The following ERG28 variants were observed in gnomAD, a reference collection of about 807,000 sequenced individuals.
ERG28 encodes ergosterol biosynthesis 28 homolog, also known as ergosterol biosynthetic protein 28 homolog.
In ERG28, 9 loss-of-function variants were observed where a neutral mutation model predicts 15.7. The ratio of observed to expected loss-of-function variants is 0.57; its 90% CI spans 0.35 to 1.00. The LOEUF is 1.00. Ranked by LOEUF, ERG28 falls within the 50% of genes least tolerant of loss-of-function variation. The pLI is 0.02. For synonymous variants in ERG28, 61 were observed against 68.4 expected, an observed-to-expected ratio of 0.89 and a Z score of 0.53; for missense variants, 117 against 173.3, an observed-to-expected ratio of 0.68 and a Z score of 1.82.
intron 1 of ERG28, among the ~76,000 whole-genome samples, chr14:75,658,612 G>GC (rs1396575028): frequency 6.6e-6 from 1 of 152,204 alleles, no homozygotes; most frequent in Non-Finnish European, 1.5e-5. Context: ...GACGTATAGA[G>GC]CCTAGGTGTG....
chr14:75,658,218 G>T (rs1256156057), intron 1 of ERG28, among the ~76,000 whole-genome samples: 1 of 152,096 alleles, frequency 6.6e-6, no homozygotes, highest in African/African-American at 2.4e-5. Flanking sequence ...TTAAAATAGA[G>T]ATCATAAGAA....
rs1056088464 is a variant in ERG28 at position 75,651,386 on chromosome 14, T to C, written c.*169A>G. ...TTCTTTAAATTGTACGTACATGTTA[T>C]ATACTTTTCAGTATGCATATCTTTA... is the stretch of plus-strand genomic sequence containing the variant. On this transcript the variant is annotated 3_prime_UTR_variant, in exon 5 of 5. Coordinates refer to ENST00000256319, the MANE Select transcript of ERG28 (RefSeq NM_007176.4). The C allele has an allele frequency of 6.7e-6, 4 of 593,230 alleles. No individual in the cohort carries two copies. Among genetic ancestry groups the C allele is most frequent in the Admixed American group, 5.8e-5 (2 of 34,438 alleles). 36.7% of individuals were successfully genotyped at this position (593,230 alleles called of 1,614,324 possible). A position where few individuals can be genotyped will look rare whatever the true frequency, so the allele number is the denominator to read the frequency against.
chr14:75,660,222 C>T (rs1890666013), intron 1 of ERG28, among the ~76,000 whole-genome samples: 1 of 152,204 alleles, frequency 6.6e-6, no homozygotes, highest in South Asian at 2.1e-4. Context: ...TTCTGAATTG[C>T]TCTGCCAATT....
chr14:75,656,280 A>ACACACG (rs1890595931), intron 2 of ERG28, among the ~76,000 whole-genome samples: 1 of 5,218 alleles, frequency 1.9e-4, no homozygotes, highest in Non-Finnish European at 5.7e-4. Flanking sequence ...TGCTGGCTGA[A>ACACACG]CACACACACA....
intron 1 of ERG28, among the ~76,000 whole-genome samples, chr14:75,658,692 A>G (rs1890629840): frequency 6.6e-6 from 1 of 152,216 alleles, no homozygotes; most frequent in Admixed American, 6.5e-5. Context: ...TGTTTGTTCA[A>G]TATGCATGTG....
intron 2 of ERG28, 58 bp from the exon 3 acceptor site, chr14:75,655,034 AC>A: frequency 6.6e-7 from 1 of 1,506,396 alleles, no homozygotes; most frequent in Non-Finnish European, 9.2e-7. Context: ...TTCCTTCCAA[AC>A]TCCTCCTATT....
rs147269846 is a variant in ERG28, at chr14:75,657,619, CA to C, written c.-31-87del. The C allele has an allele frequency of 3.2e-3, 4,075 of 1,275,450 alleles. 116 individuals carry two copies. In the African/African-American group the frequency reaches 0.054, roughly 17 times the overall value. The allele number at this position is 1,275,450 out of a possible 1,614,324, so 79.0% of individuals were successfully genotyped here. On this transcript the variant is annotated intron_variant, in intron 1 of 4. Transcript: ENST00000256319. ...GGAAGGGAGGAAGAATGAAGCAGGC[CA>C]AAAAAAGAAATTCAGTCACACTAAT...
intron 2 of ERG28, among the ~76,000 whole-genome samples, chr14:75,655,496 C>A (rs1890585538): frequency 6.6e-6 from 1 of 152,172 alleles, no homozygotes; most frequent in Non-Finnish European, 1.5e-5. Flanking sequence ...GTTGGATGAA[C>A]CAATACCAGG....
rs568308854 is a variant in ERG28 at position 75,657,559 on chromosome 14, A to G, written c.-31-26T>C. 2.5e-6 allele frequency: 4 copies of G among 1,603,602 alleles called. No individual in the cohort carries two copies. The African/African-American group carries it at 4.0e-5, about 16-fold the overall frequency. ...CTTGGAAACAAAGGCAGAGGACATGAGACAATGAGGGCCAGTCTATGTTAA... is the reference window on the plus strand; with the variant it reads ...CTTGGAAACAAAGGCAGAGGACATGGGACAATGAGGGCCAGTCTATGTTAA... On this transcript the variant is annotated intron_variant, in intron 1 of 4. Transcript: ENST00000256319.
rs1566801181 is a variant in ERG28 at position 75,649,860 on chromosome 14, C to T, written c.*1695G>A. 1 of 152,184 alleles carries T rather than the reference C, an allele frequency of 6.6e-6. No individual in the cohort carries two copies. Among genetic ancestry groups the T allele is most frequent in the Non-Finnish European group, 1.5e-5 (1 of 68,060 alleles). 9.4% of individuals were successfully genotyped at this position (152,184 alleles called of 1,614,324 possible). A position where few individuals can be genotyped will look rare whatever the true frequency, so the allele number is the denominator to read the frequency against. On this transcript the variant is annotated 3_prime_UTR_variant, in exon 5 of 5. Coordinates refer to ENST00000256319, the MANE Select transcript of ERG28 (RefSeq NM_007176.4). ...CCTTGAATAAGACTATTCTACCTTC[C>T]AGTTGCTGCTCCCTCCTTTCTAACG...
At chr14:75,657,344 G>A in intron 2 of ERG28, 26 bp downstream of exon 2, 2 of 1,613,462 alleles carry the variant, frequency 1.2e-6, no homozygotes, top group South Asian at 1.1e-5. Context: ...TCCTATAAAG[G>A]ATGCAGAAAT....
rs1181689443 is a variant in ERG28, at chr14:75,651,634, C to A, written c.344G>T (p.Ser115Ile). ...IGVLAPLMVASFSILGMLVGL... is the reference protein window; with the variant it reads ...IGVLAPLMVAIFSILGMLVGL... ...GACCAGCATACCCAGGATGGAGAAA[C>A]CTTAAATACAGAGGAAAGACTAGTG... is the stretch of plus-strand genomic sequence containing the variant. The change falls in exon 5 of 5, where the codon AGT becomes ATT. Residue 115 changes from serine (S) to isoleucine (I), a missense_variant and splice_region_variant. Coordinates refer to ENST00000256319, the MANE Select transcript of ERG28 (RefSeq NM_007176.4). The A allele has an allele frequency of 6.2e-7, 1 of 1,612,836 alleles. No individual in the cohort carries two copies. Among genetic ancestry groups the A allele is most frequent in the Non-Finnish European group, 8.5e-7 (1 of 1,179,002 alleles).
At chr14:75,658,009 T>C (rs187620385) in intron 1 of ERG28, among the ~76,000 whole-genome samples, 2 of 152,118 alleles carry the variant, frequency 1.3e-5, no homozygotes, top group Admixed American at 1.3e-4. Flanking sequence ...AATCTAAAAG[T>C]TAAAAATAAA....
rs528078790 is a variant in ERG28 at position 75,650,457 on chromosome 14, G to A, written c.*1098C>T. 2 of 152,402 alleles carry A rather than the reference G, an allele frequency of 1.3e-5. No individual in the cohort carries two copies. The highest frequency in any genetic ancestry group is 3.9e-4 in the East Asian group (2 of 5,176). 9.4% of individuals were successfully genotyped at this position (152,402 alleles called of 1,614,324 possible). On this transcript the variant is annotated 3_prime_UTR_variant, in exon 5 of 5. Transcript: ENST00000256319. ...CAATGGCCTTTTGGATACACACACT[G>A]TGTATGAGGGTCCAGCTGGGGGAGG... is the stretch of plus-strand genomic sequence containing the variant.
rs935623968 is a variant in ERG28, at chr14:75,654,667, C to G, written c.224+219G>C. On this transcript the variant is annotated intron_variant, in intron 3 of 4. Coordinates refer to ENST00000256319, the MANE Select transcript of ERG28 (RefSeq NM_007176.4). ...CACTGGATAATGGCCTGCCAGTTTGCTATGTCAGTTCCAAAGAATTTTCAG... is the reference window on the plus strand; with the variant it reads ...CACTGGATAATGGCCTGCCAGTTTGGTATGTCAGTTCCAAAGAATTTTCAG... 5.3e-5 allele frequency among the ~76,000 whole-genome samples: 8 copies of G among 152,180 alleles called. 1 individual carries two copies. Among genetic ancestry groups the G allele is most frequent in the Non-Finnish European group, 2.9e-5 (2 of 68,026 alleles).
chr14:75,655,282 G>A (rs1890583058), intron 2 of ERG28, among the ~76,000 whole-genome samples: 1 of 152,186 alleles, frequency 6.6e-6, no homozygotes, highest in African/African-American at 2.4e-5. Flanking sequence ...TTTTGTCCTG[G>A]AAGCCTAGAG....
chr14:75,655,678 A>C (rs1055520537), intron 2 of ERG28, among the ~76,000 whole-genome samples: 3 of 152,258 alleles, frequency 2.0e-5, no homozygotes, highest in African/African-American at 7.2e-5. Context: ...CATTTATTAC[A>C]ATCAACTGAG....
In ERG28 at chr14:75,653,529, G is replaced by A. The variant is rs537702201; in HGVS notation, c.224+1357C>T. ...AGGCAGGAGAATGGCTTAAACCCAG[G>A]AGGCGGAGGTGGAGGTTGCAGGGAG... is the stretch of plus-strand genomic sequence containing the variant. On this transcript the variant is annotated intron_variant, in intron 3 of 4. Coordinates refer to ENST00000256319, the MANE Select transcript of ERG28 (RefSeq NM_007176.4). 3.3e-5 allele frequency among the ~76,000 whole-genome samples: 5 copies of A among 151,830 alleles called. No homozygotes were observed. In the East Asian group the frequency reaches 9.7e-4, roughly 29 times the overall value.
intron 2 of ERG28, among the ~76,000 whole-genome samples, chr14:75,656,847 G>A (rs1286978245): frequency 6.6e-6 from 1 of 152,054 alleles, no homozygotes; most frequent in Non-Finnish European, 1.5e-5. Flanking sequence ...GGAAGACCTT[G>A]AATTAATAAC....
Sources: gnomAD v4.1 joint callset for allele counts (sites outside exome capture counted in the v4.1 genomes callset) on GRCh38, gnomAD v4.1.1 for gene constraint, MANE v1.5 for transcripts, NCBI Gene and HGNC (gene_info 2026-07-23, HGNC 2026-07-21) for gene names.